Variants in GRM1 observed in about 807,000 individuals in gnomAD.
GRM1 encodes glutamate metabotropic receptor 1.
Under a neutral mutation model 90.9 loss-of-function variants are expected in GRM1, and 33 were observed. That is an observed-to-expected ratio of 0.36 (90% CI 0.28 to 0.49). The LOEUF (loss-of-function observed/expected upper bound fraction) is 0.49. GRM1 is among the 20% of genes least tolerant of loss of function. The pLI is 0.99. For synonymous variants in GRM1, 700 were observed against 613.2 expected (o/e 1.14, Z -2.09); for missense variants, 1,190 against 1,534.3 (o/e 0.78, Z 3.75).
chr6:146,309,781 G>A (rs1783713684), intron 3 of GRM1, among the ~76,000 whole-genome samples: 1 of 151,792 alleles, frequency 6.6e-6, no homozygotes, highest in African/African-American at 2.4e-5. Flanking sequence ...TTCCTTTACA[G>A]TAGATTCCTA....
chr6:146,053,496 A>T (rs1420464564), intron 1 of GRM1, among the ~76,000 whole-genome samples: 1 of 152,120 alleles, frequency 6.6e-6, no homozygotes, highest in Non-Finnish European at 1.5e-5. Context: ...CAGATTATCT[A>T]TTCCAGGAAC....
chr6:146,123,524 T>C (rs1253100173), intron 1 of GRM1, among the ~76,000 whole-genome samples: 1 of 152,200 alleles, frequency 6.6e-6, no homozygotes, highest in Non-Finnish European at 1.5e-5. Context: ...CTGTACGTTT[T>C]CTATGGTAGA....
intron 5 of GRM1, among the ~76,000 whole-genome samples, chr6:146,383,082 A>C (rs77024933): frequency 6.6e-6 from 1 of 152,202 alleles, no homozygotes; most frequent in Non-Finnish European, 1.5e-5. Context: ...TTCATCTTAC[A>C]GATATTATAT....
At chr6:146,385,431 G>A (rs149727517) in intron 5 of GRM1, among the ~76,000 whole-genome samples, 106 of 151,604 alleles carry the variant, frequency 7.0e-4, no homozygotes, top group Non-Finnish European at 9.1e-4. Context: ...ATATATATAC[G>A]GTCAACTTAA....
intron 2 of GRM1, among the ~76,000 whole-genome samples, chr6:146,198,494 G>C (rs1436638308): frequency 1.3e-5 from 2 of 152,194 alleles, no homozygotes; most frequent in Non-Finnish European, 2.9e-5. Flanking sequence ...TCCAAGACCA[G>C]AGATCTAATA....
At chr6:146,046,921 T>TAC (rs1304026826) in intron 1 of GRM1, among the ~76,000 whole-genome samples, 1 of 151,902 alleles carries the variant, frequency 6.6e-6, no homozygotes, top group Non-Finnish European at 1.5e-5. Flanking sequence ...ATTGGGTAGG[T>TAC]ATTTGAAATA....
intron 1 of GRM1, among the ~76,000 whole-genome samples, chr6:146,102,875 A>T (rs564641012): frequency 6.6e-6 from 1 of 152,258 alleles, no homozygotes; most frequent in Admixed American, 6.5e-5. Flanking sequence ...CTTAGTTGAG[A>T]TTTTTGCAAT....
At chr6:146,068,948 A>T (rs1034817360) in intron 1 of GRM1, among the ~76,000 whole-genome samples, 2 of 152,210 alleles carry the variant, frequency 1.3e-5, no homozygotes, top group Non-Finnish European at 2.9e-5. Flanking sequence ...TAAATTTTTA[A>T]TATGAAATTT....
chr6:146,121,691 G>A (rs1378038119), intron 1 of GRM1, among the ~76,000 whole-genome samples: 1 of 152,102 alleles, frequency 6.6e-6, no homozygotes, highest in African/African-American at 2.4e-5. Context: ...ATTTCATTAT[G>A]TACCCAGTAG....
At chr6:146,299,641 T>G (rs1021828966) in intron 2 of GRM1, among the ~76,000 whole-genome samples, 1 of 152,218 alleles carries the variant, frequency 6.6e-6, no homozygotes, top group East Asian at 1.9e-4. Flanking sequence ...TCAAATCATA[T>G]TGGTTGATTA....
chr6:146,270,849 T>TTCTC lies in GRM1; in HGVS notation c.951-33761_951-33760insCTCT, dbSNP rs1275422494. On this transcript the variant is annotated intron_variant, in intron 2 of 7. Coordinates refer to ENST00000282753, the MANE Select transcript of GRM1 (RefSeq NM_001278064.2). ...TGCCTGCCTGCCTGCCTTTCTTTCTTTTTCTTTCTTTCTTTCTTTCTTTCT... is the reference window on the plus strand; with the variant it reads ...TGCCTGCCTGCCTGCCTTTCTTTCTTTCTCTTTCTTTCTTTCTTTCTTTCTTTCT... 5.3e-4 allele frequency among the ~76,000 whole-genome samples: 49 copies of TTCTC among 91,748 alleles called. 1 individual carries two copies. The highest frequency in any genetic ancestry group is 1.6e-3 in the African/African-American group (34 of 21,416). 60.2% of individuals were successfully genotyped at this position (91,748 alleles called of 152,430 possible). A position where few individuals can be genotyped will look rare whatever the true frequency, so the allele number is the denominator to read the frequency against.
At chr6:146,107,099 T>G (rs921303633) in intron 1 of GRM1, among the ~76,000 whole-genome samples, 1 of 152,190 alleles carries the variant, frequency 6.6e-6, no homozygotes, top group African/African-American at 2.4e-5. Context: ...CTTGACATCA[T>G]TCCTGCAATG....
At chr6:146,347,523 A>C (rs904696276) in intron 3 of GRM1, among the ~76,000 whole-genome samples, 13 of 152,342 alleles carry the variant, frequency 8.5e-5, no homozygotes, top group African/African-American at 2.9e-4. Context: ...TTAGTATGCA[A>C]ATATCACCAG....
chr6:146,062,426 G>A (rs1212511402), intron 1 of GRM1, among the ~76,000 whole-genome samples: 1 of 151,542 alleles, frequency 6.6e-6, no homozygotes, highest in Non-Finnish European at 1.5e-5. Flanking sequence ...AAACCACCAT[G>A]GCACATGTAT....
intron 3 of GRM1, among the ~76,000 whole-genome samples, chr6:146,318,146 C>T (rs1784040305): frequency 1.3e-5 from 2 of 152,110 alleles, no homozygotes; most frequent in Non-Finnish European, 1.5e-5. Context: ...GCTATCACTC[C>T]CCTAGCCCCC....
intron 1 of GRM1, among the ~76,000 whole-genome samples, chr6:146,110,998 T>C (rs1277382024): frequency 1.3e-5 from 2 of 152,214 alleles, no homozygotes; most frequent in Admixed American, 1.3e-4. Flanking sequence ...CATGATTGGC[T>C]AGGGCATTGT....
At chr6:146,266,790 C>G (rs532687568) in intron 2 of GRM1, among the ~76,000 whole-genome samples, 2 of 152,340 alleles carry the variant, frequency 1.3e-5, no homozygotes, top group East Asian at 3.9e-4. Flanking sequence ...CACCTTGTGT[C>G]CATCTTTTGA....
At chr6:146,360,327 A>G (rs1046874292) in intron 5 of GRM1, among the ~76,000 whole-genome samples, 2 of 152,082 alleles carry the variant, frequency 1.3e-5, no homozygotes, top group Non-Finnish European at 2.9e-5. Context: ...TTATAAATAT[A>G]TCTTATAAAT....
At position 146,213,196 on chromosome 6, in the gene GRM1, A is replaced by G. The variant is rs1193086462; in HGVS notation, c.950+53599A>G. 2.6e-5 allele frequency among the ~76,000 whole-genome samples: 4 copies of G among 152,174 alleles called. No homozygotes were observed. In the East Asian group the frequency reaches 5.8e-4, roughly 22 times the overall value. On this transcript the variant is annotated intron_variant, in intron 2 of 7. Coordinates refer to ENST00000282753, the MANE Select transcript of GRM1 (RefSeq NM_001278064.2). Reference sequence around the variant, plus strand: ...GGGCAGGAGGAGAGGAAGCACATGCATGAAAGATAAGAAGTGAGATAGCAT... The same window carrying G: ...GGGCAGGAGGAGAGGAAGCACATGCGTGAAAGATAAGAAGTGAGATAGCAT...
Sources: allele counts gnomAD v4.1 joint callset (sites outside exome capture counted in the v4.1 genomes callset), GRCh38; gene constraint gnomAD v4.1.1; transcripts MANE v1.5; gene names NCBI Gene and HGNC (gene_info 2026-07-23, HGNC 2026-07-21).